MED23: variants seen among roughly 807,000 people sequenced by gnomAD.
The protein encoded by MED23 is mediator of RNA polymerase II transcription subunit 23.
MED23 carries 105 observed loss-of-function variants against 163.9 expected under a neutral mutation model. The observed-to-expected ratio is 0.64, with a 90% CI of 0.55 to 0.75. The LOEUF (loss-of-function observed/expected upper bound fraction) is 0.75, where lower values mean the gene tolerates loss of function less well. Among genes scored for constraint, MED23 ranks in the 30% least tolerant of loss-of-function variants. The pLI is 0.00. For synonymous variants in MED23, 561 were observed against 565.6 expected (o/e 0.99, Z 0.12); for missense variants, 1,054 against 1,649.0 (o/e 0.64, Z 6.25).
Position 131,587,451 on chromosome 6 carries a change from A to C in MED23, c.*228T>G. On this transcript the variant is annotated 3_prime_UTR_variant, in exon 29 of 29. Transcript: ENST00000368068. ...ACATAGCTCTAATAAGTTGTTATGA[A>C]TATGAACAACATGTATCTTACTTGA... 1 of 1,370,594 alleles carries C rather than the reference A, an allele frequency of 7.3e-7. No homozygotes were observed. The highest frequency in any genetic ancestry group is 3.1e-5 in the Admixed American group (1 of 32,632). 84.9% of individuals were successfully genotyped at this position (1,370,594 alleles called of 1,614,324 possible). A position where few individuals can be genotyped will look rare whatever the true frequency, so the allele number is the denominator to read the frequency against.
chr6:131,586,877 T>C lies in MED23; in HGVS notation c.*802A>G. 1 of 1,456,374 alleles carries C rather than the reference T, an allele frequency of 6.9e-7. No homozygotes were observed. The highest frequency in any genetic ancestry group is 1.4e-5 in the South Asian group (1 of 73,850). The allele number at this position is 1,456,374 out of a possible 1,614,324, so 90.2% of individuals were successfully genotyped here. A position where few individuals can be genotyped will look rare whatever the true frequency, so the allele number is the denominator to read the frequency against. ...GTACTGTATTTACAAATATAAAATT[T>C]AAAAATTTTAAGATTATAAAAATTG... On this transcript the variant is annotated 3_prime_UTR_variant, in exon 29 of 29. Transcript: ENST00000368068.
chr6:131,591,438 T>C lies in MED23; in HGVS notation c.3561A>G (p.Pro1187=). The change falls in exon 26 of 29, where the codon CCA becomes CCG. Residue 1187 remains proline (P), a synonymous_variant. Transcript: ENST00000368068. ...LTSETEWVGY[P]FRLFDFTACH... ...AGGCAGTGAAATCAAAGAGGCGGAA[T>C]GGATAGCCAACCCACTCTGTTTCAG... 6.2e-7 allele frequency: 1 copy of C among 1,613,936 alleles called. No homozygotes were observed.
chr6:131,608,452 G>GAATA (rs1776018858), intron 11 of MED23, among the ~76,000 whole-genome samples: 2 of 151,910 alleles, frequency 1.3e-5, no homozygotes, highest in African/African-American at 4.8e-5. Context: ...AAAACCTGGG[G>GAATA]AATACTCTAT....
chr6:131,627,198 AC>A (rs943006912), intron 3 of MED23, 197 bp downstream of exon 3: 2 of 596,578 alleles, frequency 3.4e-6, no homozygotes, highest in African/African-American at 3.7e-5. Context: ...TATCAACTTG[AC>A]TTCTCAACAC....
At chr6:131,584,814 A>AAC (rs1774117102), downstream of MED23, among the ~76,000 whole-genome samples, 2 of 114,346 alleles carry the variant, frequency 1.7e-5, no homozygotes. Flanking sequence ...CACTACAAAA[A>AAC]ATACACACAC....
At chr6:131,574,369 G>T in intron 30 of MED23, 1 of 1,547,904 alleles carries the variant, frequency 6.5e-7, no homozygotes, top group African/African-American at 1.4e-5. Flanking sequence ...ATACTACTTT[G>T]CTTCCCCTGG....
intron 30 of MED23, chr6:131,574,390 A>G: frequency 2.1e-6 from 3 of 1,426,712 alleles, no homozygotes; most frequent in Non-Finnish European, 3.0e-6. Flanking sequence ...AAATCCTCCA[A>G]AAGTCTCTCC....
intron 17 of MED23, among the ~76,000 whole-genome samples, chr6:131,601,402 G>A (rs760159261): frequency 9.2e-5 from 14 of 152,122 alleles, no homozygotes; most frequent in Non-Finnish European, 1.9e-4. Flanking sequence ...AATTCATGAA[G>A]TTACAAAACA....
At position 131,576,680 on chromosome 6, in the gene MED23, A is replaced by G. The variant is rs755973004; in HGVS notation, c.4096-2385T>C. ...TTGTTCAGCCACGAGGAGGGGTGGA[A>G]GAAGGCCCTACAGTATTGAGAAAGG... On this transcript the variant is annotated intron_variant, in intron 30 of 30. Transcript: ENST00000354577. 231 of 1,613,960 alleles carry G rather than the reference A, an allele frequency of 1.4e-4. 1 individual carries two copies. Among genetic ancestry groups the G allele is most frequent in the Admixed American group, 6.0e-4 (36 of 59,998 alleles).
chr6:131,592,497 T>C, intron 24 of MED23, 37 bp from the exon 25 acceptor site: 1 of 1,567,680 alleles, frequency 6.4e-7, no homozygotes, highest in Non-Finnish European at 8.8e-7. Context: ...TATGAATTTA[T>C]AAAAACATTT....
chr6:131,620,804 A>AT (rs763118261), intron 6 of MED23, 75 bp from the exon 7 acceptor site: 32,735 of 660,994 alleles, frequency 0.05, 4 homozygotes, highest in East Asian at 0.081. Flanking sequence ...TATTATCATT[A>AT]TTTTTTTTTT....
At chr6:131,583,965 A>C, downstream of MED23, 3 of 1,582,984 alleles carry the variant, frequency 1.9e-6, no homozygotes. Context: ...AAAGCTAATC[A>C]TTTTCTTAAG....
At chr6:131,604,642 A>C (rs928955236) in intron 14 of MED23, among the ~76,000 whole-genome samples, 5 of 152,200 alleles carry the variant, frequency 3.3e-5, no homozygotes, top group African/African-American at 1.2e-4. Flanking sequence ...TGGGAAATTA[A>C]ATAACTTTTG....
At position 131,619,904 on chromosome 6, in the gene MED23, GAGAA is replaced by G. The variant is rs762651243; in HGVS notation, c.598-12_598-9del. On this transcript the variant is annotated splice_polypyrimidine_tract_variant and intron_variant, in intron 7 of 28. Coordinates refer to ENST00000368068, the MANE Select transcript of MED23 (RefSeq NM_004830.4). ...TACTAGGTTTCCAAGTAACTAAAGA[GAGAA>G]AGAAAGAGGGAAGTCAAATAAATAC... is the stretch of plus-strand genomic sequence containing the variant. 12 of 1,592,254 alleles carry G rather than the reference GAGAA, an allele frequency of 7.5e-6. No individual in the cohort carries two copies. In the East Asian group the frequency reaches 1.6e-4, roughly 21 times the overall value.
At chr6:131,601,611 A>T (rs538351458) in intron 17 of MED23, among the ~76,000 whole-genome samples, 99 of 152,226 alleles carry the variant, frequency 6.5e-4, no homozygotes, top group African/African-American at 2.2e-3. Context: ...TTCCAACCTC[A>T]TCTGTGTGAG....
rs893412803 is a variant in MED23, at chr6:131,576,810, T to C, written c.4096-2515A>G. ...AGGAAAGAGCAGGCCCCTGTGAACC[T>C]GGAGTGTGTCTGGAATATTTACATC... On this transcript the variant is annotated intron_variant, in intron 30 of 30. Coordinates refer to the MED23 transcript ENST00000354577. 358 of 1,304,986 alleles carry C rather than the reference T, an allele frequency of 2.7e-4. No homozygotes were observed. In the Admixed American group the frequency reaches 6.1e-3, roughly 22 times the overall value. 80.8% of individuals were successfully genotyped at this position (1,304,986 alleles called of 1,614,324 possible).
At chr6:131,592,674 C>G (rs1774734429) in intron 24 of MED23, 3 of 604,096 alleles carry the variant, frequency 5.0e-6, no homozygotes, top group African/African-American at 1.9e-5. Flanking sequence ...AATCATTATC[C>G]CATACTTCAT....
intron 26 of MED23, 75 bp downstream of exon 26, chr6:131,591,238 A>G (rs1431831415): frequency 3.3e-6 from 4 of 1,195,944 alleles, no homozygotes; most frequent in Non-Finnish European, 4.9e-6. Flanking sequence ...TCGGCCTCCC[A>G]AAGTGCTGGG....
rs969512291 is a variant in MED23, at chr6:131,587,404, T to C, written c.*275A>G. On this transcript the variant is annotated 3_prime_UTR_variant, in exon 29 of 29. Coordinates refer to ENST00000368068, the MANE Select transcript of MED23 (RefSeq NM_004830.4). ...AAAGTGCCAATGACAAGTCATTTGATCACAGATACCTCTATGTTCCTACAT... is the reference window on the plus strand; with the variant it reads ...AAAGTGCCAATGACAAGTCATTTGACCACAGATACCTCTATGTTCCTACAT... 1 of 1,235,168 alleles carries C rather than the reference T, an allele frequency of 8.1e-7. No individual in the cohort carries two copies. The highest frequency in any genetic ancestry group is 1.0e-6 in the Non-Finnish European group (1 of 984,954). 76.5% of individuals were successfully genotyped at this position (1,235,168 alleles called of 1,614,324 possible).
Sources: allele counts gnomAD v4.1 joint callset (sites outside exome capture counted in the v4.1 genomes callset), GRCh38; gene constraint gnomAD v4.1.1; transcripts MANE v1.5; gene names NCBI Gene and HGNC (gene_info 2026-07-23, HGNC 2026-07-21).